PLCL1: variants seen among roughly 807,000 people sequenced by gnomAD.
The protein encoded by PLCL1 is phospholipase C like 1 (inactive), also known as inactive phospholipase C-like protein 1.
A neutral mutation model predicts 84.4 loss-of-function variants in PLCL1; 41 were observed. The ratio of observed to expected loss-of-function variants is 0.49; its 90% CI spans 0.38 to 0.63. PLCL1 has a LOEUF of 0.63. Among genes scored for constraint, PLCL1 ranks in the 30% least tolerant of loss-of-function variants. The pLI is 0.00. For missense variants in PLCL1, 1,206 were observed against 1,367.8 expected, an observed-to-expected ratio of 0.88 and a Z score of 1.87; for synonymous variants, 490 against 488.3, an observed-to-expected ratio of 1.00 and a Z score of -0.05.
intron 5 of PLCL1, among the ~76,000 whole-genome samples, chr2:198,123,331 C>A (rs969146913): frequency 6.6e-6 from 1 of 151,992 alleles, no homozygotes; most frequent in African/African-American, 2.4e-5. Context: ...TTGATGGTGT[C>A]CCCTTCACAA....
chr2:197,808,105 A>T (rs978041096), intron 1 of PLCL1, among the ~76,000 whole-genome samples: 1 of 152,206 alleles, frequency 6.6e-6, no homozygotes, highest in African/African-American at 2.4e-5. Flanking sequence ...CTAGGTTTAA[A>T]AACGTTCAAT....
At chr2:197,882,580 A>G (rs1171470316) in intron 1 of PLCL1, among the ~76,000 whole-genome samples, 1 of 152,166 alleles carries the variant, frequency 6.6e-6, no homozygotes, top group Non-Finnish European at 1.5e-5. Flanking sequence ...AATTATGTGT[A>G]ATATATTTTA....
At chr2:198,101,401 T>C (rs1693331481) in intron 4 of PLCL1, 41 bp downstream of exon 4, 3 of 1,125,302 alleles carry the variant, frequency 2.7e-6, no homozygotes, top group Non-Finnish European at 2.6e-6. Context: ...TTTTTTCTAT[T>C]TTGTTTGGAA....
At chr2:197,971,558 G>C (rs1409660911) in intron 1 of PLCL1, among the ~76,000 whole-genome samples, 1 of 152,152 alleles carries the variant, frequency 6.6e-6, no homozygotes, top group African/African-American at 2.4e-5. Flanking sequence ...AGGGGAAGGG[G>C]AAGATAGATA....
rs567614940 is a variant in PLCL1, at chr2:198,144,367, C to T, written c.3106-2413C>T. ...TAGATTTTTTATAAATGGAAAGATT[C>T]CTTTAAAAATATAGTAGTACATATA... On this transcript the variant is annotated intron_variant, in intron 5 of 5. Coordinates refer to ENST00000428675, the MANE Select transcript of PLCL1 (RefSeq NM_006226.4). 2.0e-5 allele frequency among the ~76,000 whole-genome samples: 3 copies of T among 152,126 alleles called. No homozygotes were observed. The South Asian group carries it at 6.2e-4, about 32-fold the overall frequency.
chr2:198,087,553 A>G (rs777721833), intron 2 of PLCL1, among the ~76,000 whole-genome samples: 19 of 152,134 alleles, frequency 1.2e-4, no homozygotes, highest in Non-Finnish European at 2.8e-4. Flanking sequence ...ATGTTAATGC[A>G]TTTCCTAAGT....
At chr2:198,064,968 T>C (rs1692289720) in intron 1 of PLCL1, among the ~76,000 whole-genome samples, 1 of 152,068 alleles carries the variant, frequency 6.6e-6, no homozygotes, top group Non-Finnish European at 1.5e-5. Flanking sequence ...ATTTTTGAAA[T>C]ACAGAATAAG....
Position 197,912,098 on chromosome 2 carries a change from C to T in PLCL1, c.240+106759C>T, listed in dbSNP as rs147443751. 2.9e-3 allele frequency among the ~76,000 whole-genome samples: 447 copies of T among 152,284 alleles called. 5 individuals carry two copies. The highest frequency in any genetic ancestry group is 0.01 in the African/African-American group (430 of 41,554). On this transcript the variant is annotated intron_variant, in intron 1 of 5. Transcript: ENST00000428675. ...TATATTAACTGCCTTAGCTATCACACGAGGTGATGGCTGGGAAGAAGGTGC... is the reference window on the plus strand; with the variant it reads ...TATATTAACTGCCTTAGCTATCACATGAGGTGATGGCTGGGAAGAAGGTGC...
intron 1 of PLCL1, among the ~76,000 whole-genome samples, chr2:197,809,809 AGTGTGTGTGTGTGT>A (rs3056067): frequency 6.8e-6 from 1 of 146,546 alleles, no homozygotes; most frequent in Admixed American, 6.8e-5. Context: ...GAGCTCTGAA[AGTGTGTGTGTGTGT>A]GTGTGTGTGT....
intron 1 of PLCL1, among the ~76,000 whole-genome samples, chr2:197,999,224 G>A (rs1002359130): frequency 5.3e-5 from 8 of 152,104 alleles, no homozygotes; most frequent in African/African-American, 1.7e-4. Flanking sequence ...GTGTCATACT[G>A]GAGGGGCAAA....
chr2:198,121,731 C>T (rs958832301), intron 5 of PLCL1, among the ~76,000 whole-genome samples: 4 of 151,988 alleles, frequency 2.6e-5, no homozygotes, highest in African/African-American at 9.7e-5. Flanking sequence ...ATTTGAAGAA[C>T]CTGGCCTACT....
chr2:197,949,558 C>A (rs1192600331), intron 1 of PLCL1, among the ~76,000 whole-genome samples: 1 of 152,058 alleles, frequency 6.6e-6, no homozygotes, highest in Non-Finnish European at 1.5e-5. Flanking sequence ...AAAAGGAAAC[C>A]AGAGAACAAA....
intron 1 of PLCL1, among the ~76,000 whole-genome samples, chr2:197,929,374 C>T (rs1168402237): frequency 2.0e-5 from 3 of 152,184 alleles, no homozygotes; most frequent in Admixed American, 1.3e-4. Flanking sequence ...CAGCATGCTC[C>T]TTAACTGTTG....
intron 1 of PLCL1, among the ~76,000 whole-genome samples, chr2:197,832,122 G>GA (rs1370816961): frequency 6.6e-6 from 1 of 151,958 alleles, no homozygotes; most frequent in Admixed American, 6.6e-5. Flanking sequence ...AAACAAATTT[G>GA]AAAACTAGCA....
chr2:198,014,546 CT>C (rs1327822736), intron 1 of PLCL1, among the ~76,000 whole-genome samples: 1 of 151,840 alleles, frequency 6.6e-6, no homozygotes, highest in Admixed American at 6.6e-5. Flanking sequence ...GGTATTAGAC[CT>C]TTTTTTTCTT....
In PLCL1 at chr2:197,826,364, A is replaced by T. The variant is rs1690928849; in HGVS notation, c.240+21025A>T. On this transcript the variant is annotated intron_variant, in intron 1 of 5. Transcript: ENST00000428675. The stretch of plus-strand genomic sequence containing the variant: ...TATATAAAGGAATTTCTTAATTCTG[A>T]TAGATTTTGACTCTTTCCTTCAAAT... 2.0e-5 allele frequency among the ~76,000 whole-genome samples: 3 copies of T among 152,292 alleles called. 1 individual carries two copies. The highest frequency in any genetic ancestry group is 2.0e-4 in the Admixed American group (3 of 15,290).
At position 198,086,701 on chromosome 2, in the gene PLCL1, T is replaced by C. The variant is rs190514805; in HGVS notation, c.2715+469T>C. ...AGTATTGTCTGTGATAAAACAGATA[T>C]ATTTTATGTTTCTAACTGTGAATGC... On this transcript the variant is annotated intron_variant, in intron 2 of 5. Transcript: ENST00000428675. 6.6e-5 allele frequency among the ~76,000 whole-genome samples: 10 copies of C among 152,328 alleles called. No individual in the cohort carries two copies. The East Asian group carries it at 1.9e-3, about 29-fold the overall frequency.
At chr2:197,967,896 T>C (rs1308649213) in intron 1 of PLCL1, among the ~76,000 whole-genome samples, 1 of 152,228 alleles carries the variant, frequency 6.6e-6, no homozygotes, top group Non-Finnish European at 1.5e-5. Flanking sequence ...AGAAAAGTTA[T>C]TGTCATCTTG....
At chr2:197,932,670 C>T (rs1290920304) in intron 1 of PLCL1, among the ~76,000 whole-genome samples, 6 of 152,130 alleles carry the variant, frequency 3.9e-5, no homozygotes, top group Non-Finnish European at 7.3e-5. Context: ...TATAGAAAGG[C>T]GTTTTTAACT....
Sources: gnomAD v4.1 joint callset for allele counts (sites outside exome capture counted in the v4.1 genomes callset) on GRCh38, gnomAD v4.1.1 for gene constraint, MANE v1.5 for transcripts, NCBI Gene and HGNC (gene_info 2026-07-23, HGNC 2026-07-21) for gene names.